Variants in KNTC1 observed in about 807,000 individuals in gnomAD.
KNTC1 encodes kinetochore-associated protein 1.
In KNTC1, 253 loss-of-function variants were observed where a neutral mutation model predicts 314.4. The observed-to-expected ratio is 0.80, with a 90% confidence interval of 0.73 to 0.89. KNTC1 has a LOEUF of 0.89. Among genes scored for constraint, KNTC1 ranks in the 40% least tolerant of loss-of-function variants. KNTC1 has a pLI of 0.00. For missense variants in KNTC1, 2,475 were observed against 2,572.9 expected (o/e 0.96, Z 0.82); for synonymous variants, 901 against 901.4 (o/e 1.00, Z 0.01).
At chr12:122,583,052 C>G (rs1868661739) in intron 34 of KNTC1, 67 bp downstream of exon 34, 1 of 1,427,688 alleles carries the variant, frequency 7.0e-7, no homozygotes, top group African/African-American at 1.4e-5. Flanking sequence ...TAACTCATAC[C>G]TGTAATCCCA....
intron 26 of KNTC1, 140 bp from the exon 27 acceptor site, chr12:122,574,142 A>G (rs1034776360): frequency 1.8e-6 from 1 of 559,418 alleles, no homozygotes; most frequent in South Asian, 2.5e-5. Context: ...TTCAACATTT[A>G]TGACTAATTA....
At position 122,622,339 on chromosome 12, in the gene KNTC1, G is replaced by A. The variant is rs950522732; in HGVS notation, c.6370-123G>A. The stretch of plus-strand genomic sequence containing the variant: ...CGCAGTCACAATGCAGTGCTAATTG[G>A]GCTTCCGATTGTCAGAAATGTTTTG... On this transcript the variant is annotated intron_variant, in intron 61 of 63. Coordinates refer to ENST00000333479, the MANE Select transcript of KNTC1 (RefSeq NM_014708.6). 7.8e-6 allele frequency: 7 copies of A among 895,852 alleles called. No homozygotes were observed. The African/African-American group carries it at 1.0e-4, about 13-fold the overall frequency. The allele number at this position is 895,852 out of a possible 1,614,324, so 55.5% of individuals were successfully genotyped here.
chr12:122,600,603 C>A (rs1016594155), intron 44 of KNTC1, among the ~76,000 whole-genome samples: 16 of 151,936 alleles, frequency 1.1e-4, no homozygotes, highest in Admixed American at 9.8e-4. Flanking sequence ...ACTTTAATTT[C>A]AAAATCTTAT....
At chr12:122,620,364 T>C (rs1874292188) in intron 59 of KNTC1, 115 bp from the exon 60 acceptor site, 3 of 855,194 alleles carry the variant, frequency 3.5e-6, no homozygotes, top group Non-Finnish European at 5.3e-6. Context: ...ACCAGCACTT[T>C]AGTGTTTAAA....
intron 51 of KNTC1, 96 bp from the exon 52 acceptor site, chr12:122,609,288 A>G (rs748213692): frequency 1.6e-5 from 12 of 762,588 alleles, no homozygotes; most frequent in Non-Finnish European, 2.4e-5. Flanking sequence ...AATATCGTAT[A>G]TTAGGTTTTT....
intron 19 of KNTC1, among the ~76,000 whole-genome samples, 174 bp downstream of exon 19, chr12:122,562,148 C>A (rs550901223): frequency 6.6e-6 from 1 of 152,180 alleles, no homozygotes; most frequent in South Asian, 2.1e-4. Context: ...ATTTTGAGAT[C>A]AAAGGAAATA....
At chr12:122,571,189 C>T (rs1217698536) in intron 24 of KNTC1, 63 bp downstream of exon 24, 3 of 1,242,886 alleles carry the variant, frequency 2.4e-6, no homozygotes, top group Non-Finnish European at 3.5e-6. Flanking sequence ...GGTTTGTCTG[C>T]ATGTATGTGA....
At chr12:122,542,536 C>T (rs765595680) in intron 6 of KNTC1, among the ~76,000 whole-genome samples, 49 of 152,162 alleles carry the variant, frequency 3.2e-4, no homozygotes, top group African/African-American at 4.3e-4. Flanking sequence ...GAGGCCAAGG[C>T]GGGCAGATCA....
chr12:122,590,784 G>A (rs372339866), intron 41 of KNTC1, 49 bp downstream of exon 41: 1 of 1,562,208 alleles, frequency 6.4e-7, no homozygotes, highest in South Asian at 1.2e-5. Context: ...TTCAAGATTG[G>A]GGGGGAGAAA....
At chr12:122,614,577 A>G (rs193250305) in intron 55 of KNTC1, among the ~76,000 whole-genome samples, 2 of 152,162 alleles carry the variant, frequency 1.3e-5, no homozygotes, top group African/African-American at 4.8e-5. Context: ...ATAGACATTC[A>G]CAGATTAGAA....
At chr12:122,565,975 CAG>C (rs1193650814) in intron 20 of KNTC1, among the ~76,000 whole-genome samples, 2 of 125,286 alleles carry the variant, frequency 1.6e-5, no homozygotes, top group African/African-American at 3.2e-5. Context: ...TTTTTTGAGA[CAG>C]AGTCTAGGAG....
chr12:122,570,441 AG>A (rs1199398064), intron 22 of KNTC1, among the ~76,000 whole-genome samples: 2 of 151,546 alleles, frequency 1.3e-5, no homozygotes, highest in Admixed American at 6.6e-5. Context: ...TGCTTGACCC[AG>A]GAGGTTGCAG....
chr12:122,550,549 T>G (rs1420263049), intron 13 of KNTC1, among the ~76,000 whole-genome samples: 1 of 152,100 alleles, frequency 6.6e-6, no homozygotes. Flanking sequence ...GTTGCCCAAG[T>G]TGTAGTACCG....
At chr12:122,605,199 ATATACTTATATGTG>A (rs1872450197) in intron 50 of KNTC1, 93 bp from the exon 51 acceptor site, 1 of 1,033,008 alleles carries the variant, frequency 9.7e-7, no homozygotes, top group East Asian at 2.6e-5. Flanking sequence ...TTATATATGT[ATATACTTATATGTG>A]TATGTATGTG....
intron 19 of KNTC1, 73 bp downstream of exon 19, chr12:122,562,047 A>G (rs1030692117): frequency 3.5e-6 from 5 of 1,429,018 alleles, no homozygotes; most frequent in Middle Eastern, 3.6e-4. Flanking sequence ...TTCAAAATAG[A>G]CCCGTATTTT....
chr12:122,592,250 C>G (rs1260353104), intron 42 of KNTC1, among the ~76,000 whole-genome samples: 1 of 152,252 alleles, frequency 6.6e-6, no homozygotes, highest in Admixed American at 6.5e-5. Flanking sequence ...CGGGCCTTAG[C>G]TGCCTTCCCA....
Position 122,577,712 on chromosome 12 carries a change from C to A in KNTC1, c.2762C>A (p.Ala921Asp). The A allele has an allele frequency of 6.2e-7, 1 of 1,613,648 alleles. No individual in the cohort carries two copies. Among genetic ancestry groups the A allele is most frequent in the Non-Finnish European group, 8.5e-7 (1 of 1,179,744 alleles). Reference protein sequence around the residue: ...CLLLLKSLPPAEAEKTAERVI... With the variant: ...CLLLLKSLPPDEAEKTAERVI... The stretch of plus-strand genomic sequence containing the variant: ...CTTCTGTTGAAGTCTTTGCCTCCTG[C>A]TGAAGCTGAGAAAACTGCAGAAAGA... Residue 921 changes from alanine to aspartate, a missense_variant, in exon 31 of 64, where the codon GCT (alanine) becomes GAT (aspartate). Transcript: ENST00000333479.
intron 18 of KNTC1, among the ~76,000 whole-genome samples, chr12:122,558,833 G>A (rs1037512274): frequency 2.0e-5 from 3 of 152,062 alleles, no homozygotes; most frequent in Admixed American, 1.3e-4. Flanking sequence ...CCAAAACTGC[G>A]CCACAGCAGC....
chr12:122,572,813 T>A (rs1964783118), intron 24 of KNTC1, 124 bp from the exon 25 acceptor site: 3 of 710,658 alleles, frequency 4.2e-6, no homozygotes, highest in Non-Finnish European at 6.8e-6. Context: ...TGGTTTAAAG[T>A]TGCAGGTTTC....
Sources: allele counts gnomAD v4.1 joint callset (sites outside exome capture counted in the v4.1 genomes callset), GRCh38; gene constraint gnomAD v4.1.1; transcripts MANE v1.5; gene names NCBI Gene and HGNC (gene_info 2026-07-23, HGNC 2026-07-21).